Variants in ABCC9 observed in about 807,000 individuals in gnomAD.
ABCC9 encodes the protein ATP binding cassette subfamily C member 9.
A neutral mutation model predicts 188.3 loss-of-function variants in ABCC9; 95 were observed. That is an observed-to-expected ratio of 0.50 (90% CI 0.43 to 0.60). The LOEUF (loss-of-function observed/expected upper bound fraction) is 0.60, where lower values mean the gene tolerates loss of function less well. Ranked by LOEUF, ABCC9 falls within the 20% of genes least tolerant of loss-of-function variation. The pLI is 0.00. For synonymous variants in ABCC9, 659 were observed against 652.7 expected (o/e 1.01, Z -0.15); for missense variants, 1,102 against 1,876.3 (o/e 0.59, Z 7.62).
intron 15 of ABCC9, among the ~76,000 whole-genome samples, chr12:21,883,174 G>A (rs1309672590): frequency 2.0e-5 from 3 of 152,234 alleles, no homozygotes; most frequent in Non-Finnish European, 4.4e-5. Flanking sequence ...GATATGGATG[G>A]ATTATGCCCA....
At chr12:21,818,814 T>G (rs1440379990) in intron 31 of ABCC9, among the ~76,000 whole-genome samples, 2 of 151,914 alleles carry the variant, frequency 1.3e-5, no homozygotes, top group African/African-American at 4.8e-5. Context: ...TGTGGTTAAC[T>G]TGTTGGGATT....
intron 30 of ABCC9, among the ~76,000 whole-genome samples, chr12:21,835,248 A>G (rs905503772): frequency 2.6e-5 from 4 of 152,208 alleles, no homozygotes; most frequent in Non-Finnish European, 4.4e-5. Flanking sequence ...CCTTTAATTT[A>G]TTCACAAAAC....
intron 30 of ABCC9, among the ~76,000 whole-genome samples, chr12:21,829,389 G>T (rs1943603270): frequency 6.6e-6 from 1 of 151,738 alleles, no homozygotes; most frequent in South Asian, 2.1e-4. Flanking sequence ...TTTTAGTAGA[G>T]ACGAGGTTTC....
chr12:21,839,173 T>A (rs1944251957), intron 29 of ABCC9, among the ~76,000 whole-genome samples: 1 of 152,176 alleles, frequency 6.6e-6, no homozygotes, highest in Admixed American at 6.5e-5. Flanking sequence ...AAAAAAATGT[T>A]CAGAATTAAT....
intron 25 of ABCC9, among the ~76,000 whole-genome samples, chr12:21,846,429 C>G (rs529171093): frequency 6.6e-6 from 1 of 152,322 alleles, no homozygotes; most frequent in Non-Finnish European, 1.5e-5. Context: ...TCCTGACAAT[C>G]AAAATTTGAT....
intron 4 of ABCC9, among the ~76,000 whole-genome samples, chr12:21,928,242 A>G (rs1555121851): frequency 8.1e-6 from 1 of 123,696 alleles, no homozygotes; most frequent in Non-Finnish European, 1.6e-5. Flanking sequence ...AAAGGAAAGG[A>G]AGGGGAGGGG....
chr12:21,868,917 G>C (rs1945922391), intron 18 of ABCC9, among the ~76,000 whole-genome samples: 1 of 152,056 alleles, frequency 6.6e-6, no homozygotes, highest in Non-Finnish European at 1.5e-5. Flanking sequence ...GGAATGAAAA[G>C]AGTAATTACA....
In ABCC9 at chr12:21,845,840, CA is replaced by C. The variant is rs749107379; in HGVS notation, c.2867-9del. On this transcript the variant is annotated splice_polypyrimidine_tract_variant and intron_variant, in intron 25 of 39. Coordinates refer to ENST00000261200, the MANE Select transcript of ABCC9 (RefSeq NM_020297.4). ...CTTCCTCCTCTTCTTCCTCTACATACAAAAAACTTTTGTTTAAGCTTCAGAT... is the reference window on the plus strand; with the variant it reads ...CTTCCTCCTCTTCTTCCTCTACATACAAAAACTTTTGTTTAAGCTTCAGAT... 6.2e-7 allele frequency: 1 copy of C among 1,611,098 alleles called. No homozygotes were observed. The highest frequency in any genetic ancestry group is 8.5e-7 in the Non-Finnish European group (1 of 1,179,096).
chr12:21,803,814 G>A lies in ABCC9; in HGVS notation c.4512+2184C>T, dbSNP rs370166688. The stretch of plus-strand genomic sequence containing the variant: ...TCAAAATATTCCAGAGAAATTAATC[G>A]TGTAATCACTTTCAGAAATAAATAC... On this transcript the variant is annotated intron_variant, in intron 39 of 39. Coordinates refer to ENST00000261200, the MANE Select transcript of ABCC9 (RefSeq NM_020297.4). Among the ~76,000 whole-genome samples, 93 of 152,174 alleles carry A rather than the reference G, an allele frequency of 6.1e-4. 2 individuals are homozygous for A. In the South Asian group the frequency reaches 0.017, roughly 28 times the overall value.
intron 32 of ABCC9, 137 bp downstream of exon 32, chr12:21,818,000 TCCCTCCCCTCACC>T: frequency 1.5e-6 from 1 of 672,006 alleles, no homozygotes; most frequent in Non-Finnish European, 2.7e-6. Context: ...CCCTCTAAGT[TCCCTCCCCTCACC>T]CCCACCCCCC....
At chr12:21,827,158 A>T (rs945199080) in intron 31 of ABCC9, 1 of 985,276 alleles carries the variant, frequency 1.0e-6, no homozygotes, top group African/African-American at 1.7e-5. Context: ...AACAATTTTG[A>T]GTTTGGCTGC....
At chr12:21,860,200 AT>A (rs1386280870) in intron 21 of ABCC9, among the ~76,000 whole-genome samples, 1 of 152,152 alleles carries the variant, frequency 6.6e-6, no homozygotes, top group Non-Finnish European at 1.5e-5. Context: ...AGATGTAGGT[AT>A]TGTTTTAATT....
intron 12 of ABCC9, among the ~76,000 whole-genome samples, chr12:21,903,019 T>A (rs1319409168): frequency 6.6e-6 from 1 of 152,188 alleles, no homozygotes; most frequent in Admixed American, 6.5e-5. Flanking sequence ...ATATCCCTGA[T>A]GAACACAGAT....
At chr12:21,896,797 C>T (rs1164905939) in intron 12 of ABCC9, among the ~76,000 whole-genome samples, 1 of 152,188 alleles carries the variant, frequency 6.6e-6, no homozygotes, top group Non-Finnish European at 1.5e-5. Flanking sequence ...GTATATACCA[C>T]ATTTTCTTTA....
chr12:21,919,471 T>C (rs752620217), intron 5 of ABCC9, among the ~76,000 whole-genome samples: 2 of 151,634 alleles, frequency 1.3e-5, no homozygotes, highest in Non-Finnish European at 2.9e-5. Context: ...AAAACTAACA[T>C]AAAAAGAAGT....
At position 21,846,742 on chromosome 12, in the gene ABCC9, G is replaced by A. The variant is rs564127273; in HGVS notation, c.2867-910C>T. ...TGTGAGAAGAACAGACTAGAAATTC[G>A]CATGATCAAAGAGGTGGACACTTGC... On this transcript the variant is annotated intron_variant, in intron 25 of 39. Coordinates refer to ENST00000261200, the MANE Select transcript of ABCC9 (RefSeq NM_020297.4). Among the ~76,000 whole-genome samples the A allele has an allele frequency of 5.9e-5, 9 of 152,044 alleles. No individual in the cohort carries two copies. In the South Asian group the frequency reaches 1.2e-3, roughly 21 times the overall value.
chr12:21,906,408 A>G (rs927393429), intron 11 of ABCC9, 120 bp from the exon 12 acceptor site: 1 of 1,031,916 alleles, frequency 9.7e-7, no homozygotes, highest in Admixed American at 2.3e-5. Flanking sequence ...CCACTCACTA[A>G]TTAGGTTGTG....
intron 16 of ABCC9, among the ~76,000 whole-genome samples, chr12:21,882,416 T>C (rs2137652446): frequency 6.6e-6 from 1 of 152,336 alleles, no homozygotes; most frequent in Non-Finnish European, 1.5e-5. Context: ...ATTTAATTTA[T>C]ATTCCTGAAA....
At chr12:21,897,677 C>T (rs879771432) in intron 12 of ABCC9, among the ~76,000 whole-genome samples, 2 of 152,142 alleles carry the variant, frequency 1.3e-5, no homozygotes, top group African/African-American at 2.4e-5. Context: ...GTTCAACTCA[C>T]CACCAACAAG....
Sources: allele counts gnomAD v4.1 joint callset (sites outside exome capture counted in the v4.1 genomes callset), GRCh38; gene constraint gnomAD v4.1.1; transcripts MANE v1.5; gene names NCBI Gene and HGNC (gene_info 2026-07-23, HGNC 2026-07-21).